Variants in BCL11A observed in about 807,000 individuals in gnomAD.
The protein encoded by BCL11A is BCL11 transcription factor A.
In BCL11A, 2 loss-of-function variants were observed where a neutral mutation model predicts 55.9. The observed-to-expected ratio is 0.04, with a 90% CI of 0.01 to 0.11. The LOEUF (loss-of-function observed/expected upper bound fraction) is 0.11. Ranked by LOEUF, BCL11A falls within the 10% of genes least tolerant of loss-of-function variation. BCL11A has a pLI of 1.00. For synonymous variants in BCL11A, 465 were observed against 473.4 expected (o/e 0.98, Z 0.23); for missense variants, 817 against 1,137.1 (o/e 0.72, Z 4.05).
intron 2 of BCL11A, among the ~76,000 whole-genome samples, chr2:60,505,523 G>A (rs535595987): frequency 6.6e-6 from 1 of 152,306 alleles, no homozygotes; most frequent in East Asian, 1.9e-4. Flanking sequence ...TCCCTTAGGG[G>A]CCAAACCAGC....
chr2:60,511,745 G>T (rs1164346153), intron 2 of BCL11A, among the ~76,000 whole-genome samples: 1 of 152,186 alleles, frequency 6.6e-6, no homozygotes, highest in Admixed American at 6.5e-5. Context: ...AGTTGAAAAT[G>T]CAGTAGGCAA....
At chr2:60,541,913 A>G (rs1428337684) in intron 2 of BCL11A, 2 of 710,494 alleles carry the variant, frequency 2.8e-6, no homozygotes, top group East Asian at 5.4e-5. Flanking sequence ...TACATCCTCC[A>G]GTTCAGTCTG....
At chr2:60,473,038 CAT>C (rs141551571) in intron 2 of BCL11A, among the ~76,000 whole-genome samples, 70 of 131,088 alleles carry the variant, frequency 5.3e-4, no homozygotes, top group South Asian at 2.0e-3. Context: ...CGTGTGCATG[CAT>C]ATGTGTTTGT....
At chr2:60,543,899 G>T (rs1670036400) in intron 2 of BCL11A, 1 of 152,004 alleles carries the variant, frequency 6.6e-6, no homozygotes, top group East Asian at 1.9e-4. Context: ...TTTTGGTTTT[G>T]GCTTCTCTAG....
intron 2 of BCL11A, among the ~76,000 whole-genome samples, chr2:60,519,756 T>C (rs1278876462): frequency 6.6e-6 from 1 of 152,334 alleles, no homozygotes; most frequent in East Asian, 1.9e-4. Context: ...CACGTGGGCA[T>C]GGGACTGTGC....
At chr2:60,466,320 C>A (rs1676605094) in intron 3 of BCL11A, among the ~76,000 whole-genome samples, 1 of 152,128 alleles carries the variant, frequency 6.6e-6, no homozygotes, top group African/African-American at 2.4e-5. Flanking sequence ...CCCTTCTATC[C>A]CTTCCCTCCA....
chr2:60,467,720 C>G (rs1270569461), intron 3 of BCL11A, among the ~76,000 whole-genome samples: 13 of 26,816 alleles, frequency 4.8e-4, no homozygotes, highest in South Asian at 1.1e-3. Context: ...GGTGATGGTA[C>G]TGGTGGTGAT....
chr2:60,503,954 G>A (rs1182118678), intron 2 of BCL11A, among the ~76,000 whole-genome samples: 2 of 152,256 alleles, frequency 1.3e-5, no homozygotes, highest in African/African-American at 4.8e-5. Flanking sequence ...GGAAAGGAAC[G>A]AGGGGGCAGA....
At chr2:60,502,170 T>C (rs781670743) in intron 2 of BCL11A, among the ~76,000 whole-genome samples, 19 of 152,206 alleles carry the variant, frequency 1.2e-4, no homozygotes, top group Non-Finnish European at 2.4e-4. Flanking sequence ...AATATTTGTA[T>C]AGATACTTAT....
At chr2:60,495,328 A>C (rs1678884817) in intron 2 of BCL11A, among the ~76,000 whole-genome samples, 1 of 151,998 alleles carries the variant, frequency 6.6e-6, no homozygotes, top group African/African-American at 2.4e-5. Flanking sequence ...CTGGTGTGTT[A>C]TGTCTAAGAG....
At chr2:60,551,521 C>T (rs1670412946) in intron 1 of BCL11A, among the ~76,000 whole-genome samples, 1 of 152,226 alleles carries the variant, frequency 6.6e-6, no homozygotes, top group South Asian at 2.1e-4. Flanking sequence ...CACGTGGTGA[C>T]CTCCTCGCGG....
Position 60,475,525 on chromosome 2 carries a change from G to A in BCL11A, c.386-6692C>T, listed in dbSNP as rs1043314613. Among the ~76,000 whole-genome samples the A allele has an allele frequency of 2.6e-5, 4 of 152,190 alleles. No individual in the cohort carries two copies. The South Asian group carries it at 8.3e-4, about 31-fold the overall frequency. ...ATGTCTCATTGCCAGTTTAAGATGG[G>A]CTTGTACTTGCTGACACATTTTCAA... On this transcript the variant is annotated intron_variant, in intron 2 of 3. Transcript: ENST00000642384.
At chr2:60,469,569 T>C (rs570488625) in intron 2 of BCL11A, among the ~76,000 whole-genome samples, 9 of 152,210 alleles carry the variant, frequency 5.9e-5, no homozygotes, top group Non-Finnish European at 8.8e-5. Flanking sequence ...AGCATTCCAA[T>C]AATGCCAGCA....
At chr2:60,452,536 G>A (rs369170414), downstream of BCL11A, 16 of 1,526,158 alleles carry the variant, frequency 1.0e-5, no homozygotes, top group Admixed American at 3.3e-5. Context: ...TCGACTGGGC[G>A]GCACGCGTCC....
intron 2 of BCL11A, among the ~76,000 whole-genome samples, chr2:60,493,214 C>T (rs1438080404): frequency 3.9e-5 from 6 of 152,186 alleles, no homozygotes; most frequent in African/African-American, 1.4e-4. Context: ...TTTATCCATT[C>T]AACCTATTGG....
At chr2:60,519,183 TA>T (rs1327682375) in intron 2 of BCL11A, among the ~76,000 whole-genome samples, 1 of 152,066 alleles carries the variant, frequency 6.6e-6, no homozygotes, top group Non-Finnish European at 1.5e-5. Context: ...AAAAAAGAAA[TA>T]GGTGTGAAAG....
At chr2:60,488,096 T>C (rs750122563) in intron 2 of BCL11A, among the ~76,000 whole-genome samples, 2 of 152,250 alleles carry the variant, frequency 1.3e-5, no homozygotes, top group Admixed American at 1.3e-4. Flanking sequence ...ACTTACAATT[T>C]ATTCTCATTA....
intron 2 of BCL11A, among the ~76,000 whole-genome samples, chr2:60,481,669 C>T (rs1036254085): frequency 2.0e-5 from 3 of 152,176 alleles, no homozygotes; most frequent in South Asian, 2.1e-4. Flanking sequence ...ACGCTCCACC[C>T]CCTACATCTT....
chr2:60,460,924 T>C lies in BCL11A; in HGVS notation c.1988A>G (p.Tyr663Cys). 6.2e-7 allele frequency: 1 copy of C among 1,612,734 alleles called. No individual in the cohort carries two copies. Among genetic ancestry groups the C allele is most frequent in the South Asian group, 1.1e-5 (1 of 91,088 alleles). Residue 663 changes from tyrosine (Y) to cysteine (C), a missense_variant, in exon 4 of 4, where the codon TAC (tyrosine) becomes TGC (cysteine). Tyr to Cys is a radical substitution (Grantham distance 194). This residue lies in a region of BCL11A where 379 missense variants were observed against 425.3 expected (regional missense o/e 0.89). Coordinates refer to ENST00000642384, the MANE Select transcript of BCL11A (RefSeq NM_022893.4). The part of the protein sequence containing the change: ...ENVYSQWLAG[Y>C]AASRQLKDPF... ...ATCTTTGAGCTGCCTGGAGGCCGCGTAGCCGGCGAGCCACTGCGAGTACAC... is the reference window on the plus strand; with the variant it reads ...ATCTTTGAGCTGCCTGGAGGCCGCGCAGCCGGCGAGCCACTGCGAGTACAC...
Sources: gnomAD v4.1 joint callset for allele counts (sites outside exome capture counted in the v4.1 genomes callset) on GRCh38, gnomAD v4.1.1 for gene constraint, gnomAD v4.1.1 regional missense constraint, MANE v1.5 for transcripts, NCBI Gene and HGNC (gene_info 2026-07-23, HGNC 2026-07-21) for gene names.